The following UBE2G1 variants were observed in gnomAD, a reference collection of about 807,000 sequenced individuals.
The protein encoded by UBE2G1 is ubiquitin conjugating enzyme E2 G1.
Under a neutral mutation model 22.7 loss-of-function variants are expected in UBE2G1, and 5 were observed. The ratio of observed to expected loss-of-function variants is 0.22; its 90% confidence interval spans 0.12 to 0.46. The LOEUF (loss-of-function observed/expected upper bound fraction) is 0.46, where lower values mean the gene tolerates loss of function less well. Among genes scored for constraint, UBE2G1 ranks in the 20% least tolerant of loss-of-function variants. The probability of loss-of-function intolerance (pLI) is 0.99; values close to 1 mark genes in which losing one functional copy is unlikely to be tolerated. For synonymous variants in UBE2G1, 74 were observed against 67.5 expected (o/e 1.10, Z -0.47); for missense variants, 88 against 203.9 (o/e 0.43, Z 3.46).
chr17:4,322,721 A>G (rs775602372), intron 1 of UBE2G1, among the ~76,000 whole-genome samples: 2 of 152,244 alleles, frequency 1.3e-5, no homozygotes, highest in Non-Finnish European at 2.9e-5. Flanking sequence ...GGGAACCAAA[A>G]GCTGAGCCCC....
chr17:4,271,071 T>C lies in UBE2G1; in HGVS notation c.*1483A>G, dbSNP rs983260048. The C allele has an allele frequency of 2.6e-5, 4 of 152,240 alleles. No individual in the cohort carries two copies. Among genetic ancestry groups the C allele is most frequent in the African/African-American group, 7.2e-5 (3 of 41,462 alleles). The allele number at this position is 152,240 out of a possible 1,614,324, so 9.4% of individuals were successfully genotyped here. A position where few individuals can be genotyped will look rare whatever the true frequency, so the allele number is the denominator to read the frequency against. Reference sequence around the variant, plus strand: ...CCCACACACAACCTCACAACAAACATGAAGGAGCCTAAGGCCTGCCTTTAA... The same window carrying C: ...CCCACACACAACCTCACAACAAACACGAAGGAGCCTAAGGCCTGCCTTTAA... On this transcript the variant is annotated 3_prime_UTR_variant, in exon 6 of 6. Coordinates refer to ENST00000396981, the MANE Select transcript of UBE2G1 (RefSeq NM_003342.5).
chr17:4,318,797 ATGC>A (rs1969405042), intron 1 of UBE2G1, among the ~76,000 whole-genome samples: 1 of 152,204 alleles, frequency 6.6e-6, no homozygotes. Flanking sequence ...AGTCGTAAGC[ATGC>A]TGCTGCTGAA....
intron 1 of UBE2G1, among the ~76,000 whole-genome samples, chr17:4,342,333 A>G (rs1044081703): frequency 1.3e-5 from 2 of 152,140 alleles, no homozygotes; most frequent in African/African-American, 4.8e-5. Flanking sequence ...CCCTTCAAAT[A>G]TTGTGTTCCT....
At chr17:4,300,647 T>C (rs908254833) in intron 2 of UBE2G1, among the ~76,000 whole-genome samples, 2 of 151,624 alleles carry the variant, frequency 1.3e-5, no homozygotes, top group African/African-American at 2.4e-5. Flanking sequence ...GATGCTATAG[T>C]ATAAGTACTA....
chr17:4,275,532 TTTA>T, intron 5 of UBE2G1, among the ~76,000 whole-genome samples: 1 of 152,318 alleles, frequency 6.6e-6, no homozygotes, highest in Middle Eastern at 3.4e-3. Flanking sequence ...TCTTATTCCA[TTTA>T]TTAATATTTC....
chr17:4,311,720 T>A (rs1382096678), intron 1 of UBE2G1, among the ~76,000 whole-genome samples: 2 of 152,204 alleles, frequency 1.3e-5, no homozygotes, highest in Admixed American at 1.3e-4. Context: ...GGTGGCTGGC[T>A]GCACAACATC....
At chr17:4,282,246 C>A (rs920996863) in intron 5 of UBE2G1, among the ~76,000 whole-genome samples, 7 of 152,096 alleles carry the variant, frequency 4.6e-5, no homozygotes, top group Non-Finnish European at 5.9e-5. Flanking sequence ...CCAGGCCTGG[C>A]TAATTTTTGT....
At chr17:4,273,322 A>ATT (rs1168791155) in intron 5 of UBE2G1, among the ~76,000 whole-genome samples, 6 of 152,292 alleles carry the variant, frequency 3.9e-5, no homozygotes, top group Admixed American at 6.5e-5. Flanking sequence ...CTGTTCAAAA[A>ATT]GTTAGAAAAA....
chr17:4,354,916 G>A (rs1046360298), intron 1 of UBE2G1, among the ~76,000 whole-genome samples: 3 of 151,996 alleles, frequency 2.0e-5, no homozygotes, highest in South Asian at 2.1e-4. Flanking sequence ...CAGCCTGGGT[G>A]ACAGAGCAAG....
At chr17:4,314,073 A>G (rs1010103024) in intron 1 of UBE2G1, among the ~76,000 whole-genome samples, 1 of 152,228 alleles carries the variant, frequency 6.6e-6, no homozygotes, top group South Asian at 2.1e-4. Flanking sequence ...ATATAAAATG[A>G]CATTGCTTTC....
intron 1 of UBE2G1, among the ~76,000 whole-genome samples, chr17:4,320,013 CGT>C (rs558575785): frequency 1.2e-4 from 18 of 150,288 alleles, no homozygotes; most frequent in East Asian, 3.9e-4. Context: ...AAGTGGCACA[CGT>C]GTGTGTGTGT....
chr17:4,342,408 A>G (rs1177782217), intron 1 of UBE2G1, among the ~76,000 whole-genome samples: 1 of 152,150 alleles, frequency 6.6e-6, no homozygotes, highest in African/African-American at 2.4e-5. Flanking sequence ...GCTGGACAAC[A>G]AAGTGAGACC....
intron 3 of UBE2G1, 86 bp downstream of exon 3, chr17:4,296,631 G>A (rs1013553350): frequency 2.7e-5 from 36 of 1,338,168 alleles, no homozygotes; most frequent in Non-Finnish European, 3.7e-5. Flanking sequence ...ATTTCACTGA[G>A]AAACAGATCT....
intron 1 of UBE2G1, among the ~76,000 whole-genome samples, chr17:4,356,273 G>A (rs528702401): frequency 6.6e-6 from 1 of 151,660 alleles, no homozygotes; most frequent in African/African-American, 2.4e-5. Context: ...CAGGAGAATC[G>A]CTTGAACCCA....
chr17:4,276,754 T>G (rs1470640300), intron 5 of UBE2G1, among the ~76,000 whole-genome samples: 1 of 152,104 alleles, frequency 6.6e-6, no homozygotes, highest in Non-Finnish European at 1.5e-5. Flanking sequence ...AGGCAGAGAT[T>G]TGAGGTTTGT....
At chr17:4,321,451 C>T (rs1478296519) in intron 1 of UBE2G1, among the ~76,000 whole-genome samples, 1 of 152,032 alleles carries the variant, frequency 6.6e-6, no homozygotes, top group African/African-American at 2.4e-5. Flanking sequence ...TTGAGTGATT[C>T]TCTTTTTTCT....
intron 3 of UBE2G1, among the ~76,000 whole-genome samples, chr17:4,294,415 C>CAAAAAAAAAAAA (rs68047533): frequency 8.5e-6 from 1 of 117,200 alleles, no homozygotes; most frequent in African/African-American, 4.4e-5. Context: ...GACTCCGTCT[C>CAAAAAAAAAAAA]AAAAAAAAAA....
intron 1 of UBE2G1, among the ~76,000 whole-genome samples, chr17:4,361,959 C>CAAAAAA (rs35792021): frequency 2.9e-5 from 2 of 69,068 alleles, no homozygotes; most frequent in African/African-American, 5.3e-5. Context: ...AAGACTGTCT[C>CAAAAAA]AAAAAAAAAA....
intron 2 of UBE2G1, among the ~76,000 whole-genome samples, chr17:4,305,189 A>G (rs1222008275): frequency 2.6e-5 from 4 of 152,130 alleles, no homozygotes; most frequent in African/African-American, 9.7e-5. Context: ...TCTCGACCTC[A>G]GGTGATCCTG....
Sources: gnomAD v4.1 joint callset for allele counts (sites outside exome capture counted in the v4.1 genomes callset) on GRCh38, gnomAD v4.1.1 for gene constraint, MANE v1.5 for transcripts, NCBI Gene and HGNC (gene_info 2026-07-23, HGNC 2026-07-21) for gene names.